The following SOX30 variants were observed in gnomAD, a reference collection of about 807,000 sequenced individuals.
The protein encoded by SOX30 is SRY-box transcription factor 30.
A neutral mutation model predicts 58.6 loss-of-function variants in SOX30; 17 were observed. That is an observed-to-expected ratio of 0.29 (90% CI 0.20 to 0.44). The LOEUF (loss-of-function observed/expected upper bound fraction) is 0.44, where lower values mean the gene tolerates loss of function less well. SOX30 is among the 20% of genes least tolerant of loss of function. The pLI is 1.00. For synonymous variants in SOX30, 421 were observed against 400.2 expected (o/e 1.05, Z -0.62); for missense variants, 951 against 965.8 (o/e 0.98, Z 0.20).
chr5:157,635,841 T>C (rs1758914326), intron 4 of SOX30, among the ~76,000 whole-genome samples: 1 of 152,220 alleles, frequency 6.6e-6, no homozygotes, highest in South Asian at 2.1e-4. Flanking sequence ...ATTCAAAATA[T>C]ATTTTTTCCA....
At chr5:157,652,530 G>A (rs535652805), upstream of SOX30, 65 of 241,742 alleles carry the variant, frequency 2.7e-4, no homozygotes, top group Admixed American at 1.9e-3. Context: ...TTGTGCACGC[G>A]CTCTGTGCGG....
chr5:157,668,196 TCTC>T (rs1428115481), intron 1 of SOX30, among the ~76,000 whole-genome samples: 1 of 152,190 alleles, frequency 6.6e-6, no homozygotes, highest in African/African-American at 2.4e-5. Context: ...CACTGACTCT[TCTC>T]CTACGGCTGT....
intron 4 of SOX30, among the ~76,000 whole-genome samples, chr5:157,636,568 G>A (rs1474141617): frequency 2.6e-5 from 4 of 152,106 alleles, no homozygotes; most frequent in Non-Finnish European, 5.9e-5. Flanking sequence ...AACCCTAGAT[G>A]ACAAAAATCT....
In SOX30 at chr5:157,632,047, T is replaced by TAAAAAAAAAAAAAAAAAAAAAAAAAAAA. The variant is rs570172679; in HGVS notation, c.1881-5354_1881-5327dup. Among the ~76,000 whole-genome samples the TAAAAAAAAAAAAAAAAAAAAAAAAAAAA allele has an allele frequency of 8.9e-5, 5 of 56,392 alleles. 1 individual carries two copies. Among genetic ancestry groups the TAAAAAAAAAAAAAAAAAAAAAAAAAAAA allele is most frequent in the African/African-American group, 3.1e-4 (4 of 12,762 alleles). The allele number at this position is 56,392 out of a possible 152,430, so 37.0% of individuals were successfully genotyped here. A position where few individuals can be genotyped will look rare whatever the true frequency, so the allele number is the denominator to read the frequency against. On this transcript the variant is annotated intron_variant, in intron 4 of 4. Transcript: ENST00000265007. ...GACACAGCAAGACCCACCCCGTAAC[T>TAAAAAAAAAAAAAAAAAAAAAAAAAAAA]AAAAAAAAAAAAAAAAAAAAAAAAA... is the stretch of plus-strand genomic sequence containing the variant.
At chr5:157,630,889 AT>A (rs1758775127) in intron 4 of SOX30, among the ~76,000 whole-genome samples, 1 of 137,026 alleles carries the variant, frequency 7.3e-6, no homozygotes, top group African/African-American at 2.7e-5. Flanking sequence ...AATATATATA[AT>A]TTTATATATA....
intron 3 of SOX30, among the ~76,000 whole-genome samples, chr5:157,644,013 A>G (rs894573971): frequency 3.3e-5 from 5 of 152,216 alleles, no homozygotes; most frequent in Non-Finnish European, 7.3e-5. Flanking sequence ...AGAACAATCT[A>G]TAAGAATATA....
intron 2 of SOX30, among the ~76,000 whole-genome samples, chr5:157,661,213 G>T (rs531953956): frequency 1.7e-4 from 26 of 152,298 alleles, no homozygotes; most frequent in African/African-American, 5.1e-4. Context: ...CTTGCACCCA[G>T]TCTTAGGAAG....
intron 2 of SOX30, among the ~76,000 whole-genome samples, chr5:157,648,163 C>T (rs1287134145): frequency 2.6e-5 from 4 of 152,188 alleles, no homozygotes; most frequent in African/African-American, 7.2e-5. Context: ...AGGGAGAAAT[C>T]GGACTCCTTT....
At chr5:157,639,137 T>A (rs1325669085) in intron 3 of SOX30, among the ~76,000 whole-genome samples, 3 of 152,130 alleles carry the variant, frequency 2.0e-5, no homozygotes, top group South Asian at 2.1e-4. Flanking sequence ...CATATATACA[T>A]TTAAAAATAA....
At chr5:157,661,213 G>A (rs531953956) in intron 2 of SOX30, among the ~76,000 whole-genome samples, 24 of 152,298 alleles carry the variant, frequency 1.6e-4, no homozygotes, top group Non-Finnish European at 2.5e-4. Flanking sequence ...CTTGCACCCA[G>A]TCTTAGGAAG....
intron 2 of SOX30, among the ~76,000 whole-genome samples, chr5:157,667,190 C>A (rs1316589163): frequency 6.6e-6 from 1 of 152,176 alleles, no homozygotes; most frequent in African/African-American, 2.4e-5. Context: ...GGAGTCCTGA[C>A]TGCTGCCCCA....
chr5:157,628,814 G>GT (rs1352538338), intron 4 of SOX30, among the ~76,000 whole-genome samples: 3 of 151,926 alleles, frequency 2.0e-5, no homozygotes, highest in Non-Finnish European at 4.4e-5. Flanking sequence ...GCTAATTTTT[G>GT]TATTTTAGTA....
intron 3 of SOX30, among the ~76,000 whole-genome samples, chr5:157,646,250 A>C (rs890201190): frequency 6.6e-6 from 1 of 152,228 alleles, no homozygotes; most frequent in East Asian, 1.9e-4. Context: ...TCAACAAATC[A>C]GTATCATTAC....
intron 2 of SOX30, among the ~76,000 whole-genome samples, chr5:157,662,532 A>G (rs1471943265): frequency 6.6e-6 from 1 of 152,206 alleles, no homozygotes; most frequent in East Asian, 1.9e-4. Context: ...TTTTACAGTC[A>G]TTCAGTAGAA....
chr5:157,664,191 C>CT (rs1759625430), intron 2 of SOX30, among the ~76,000 whole-genome samples: 1 of 152,160 alleles, frequency 6.6e-6, no homozygotes, highest in Non-Finnish European at 1.5e-5. Context: ...TGACTTCAAA[C>CT]TATACTACAA....
chr5:157,626,636 A>G lies in SOX30; in HGVS notation c.1966T>C (p.Tyr656His). 1 of 1,614,176 alleles carries G rather than the reference A, an allele frequency of 6.2e-7. No individual in the cohort carries two copies. Among genetic ancestry groups the G allele is most frequent in the South Asian group, 1.1e-5 (1 of 91,074 alleles). Reference sequence around the variant, plus strand: ...GAAAAGATACCCTCATGTTTTGGGTACCTGTCTTCATAATAACTAAGGCAT... The same window carrying G: ...GAAAAGATACCCTCATGTTTTGGGTGCCTGTCTTCATAATAACTAAGGCAT... ...PECLSYYEDR[Y>H]PKHEGIFSTL... Residue 656 changes from tyrosine to histidine, a missense_variant, in exon 5 of 5, where the codon TAC (tyrosine) becomes CAC (histidine). Tyr to His is a moderately conservative substitution (Grantham distance 83). Transcript: ENST00000265007.
At chr5:157,658,235 A>G (rs1233815847) in intron 2 of SOX30, among the ~76,000 whole-genome samples, 2 of 152,252 alleles carry the variant, frequency 1.3e-5, no homozygotes, top group Non-Finnish European at 2.9e-5. Flanking sequence ...ATTGCACTTT[A>G]TACAACTAAT....
chr5:157,651,955 TG>T lies in SOX30; in HGVS notation c.123del (p.Thr42HisfsTer2). 6.8e-7 allele frequency: 1 copy of T among 1,476,670 alleles called. No homozygotes were observed. 91.5% of individuals were successfully genotyped at this position (1,476,670 alleles called of 1,614,324 possible). A position where few individuals can be genotyped will look rare whatever the true frequency, so the allele number is the denominator to read the frequency against. On this transcript the variant is annotated frameshift_variant, in exon 1 of 5. Transcript: ENST00000265007. LOFTEE classifies it high-confidence loss of function. The part of the protein sequence containing the change: ...AAAMEPPPSS[P>X]TLSAAASATL... ...GTCGCACTGGCTGCCGCGCTCAGTG[TG>T]GGAGACGACGGAGGGGGCTCCATGG...
intron 3 of SOX30, among the ~76,000 whole-genome samples, chr5:157,640,836 C>T (rs1166278334): frequency 6.6e-6 from 1 of 152,144 alleles, no homozygotes; most frequent in Admixed American, 6.5e-5. Context: ...TGTCTGCACA[C>T]CCTGCACTCC....
Sources: gnomAD v4.1 joint callset for allele counts (sites outside exome capture counted in the v4.1 genomes callset) on GRCh38, gnomAD v4.1.1 for gene constraint, MANE v1.5 for transcripts, NCBI Gene and HGNC (gene_info 2026-07-23, HGNC 2026-07-21) for gene names.